Variants in POMGNT1 observed in about 807,000 individuals in gnomAD.
The protein encoded by POMGNT1 is protein O-linked mannose N-acetylglucosaminyltransferase 1 (beta 1,2-).
Under a neutral mutation model 95.6 loss-of-function variants are expected in POMGNT1, and 67 were observed. The observed-to-expected ratio is 0.70, with a 90% CI of 0.58 to 0.86. The LOEUF is 0.86. POMGNT1 is among the 40% of genes least tolerant of loss of function. POMGNT1 has a pLI of 0.00. For synonymous variants in POMGNT1, 298 were observed against 317.9 expected (o/e 0.94, Z 0.66); for missense variants, 719 against 855.2 (o/e 0.84, Z 1.99).
At chr1:46,212,954 C>T (rs1349275044) in intron 1 of POMGNT1, among the ~76,000 whole-genome samples, 2 of 151,724 alleles carry the variant, frequency 1.3e-5, no homozygotes, top group African/African-American at 4.8e-5. Flanking sequence ...TTAGTAGAGA[C>T]GGGGTTTCAC....
At chr1:46,206,501 G>A (rs1206419225) in intron 1 of POMGNT1, among the ~76,000 whole-genome samples, 5 of 152,130 alleles carry the variant, frequency 3.3e-5, no homozygotes, top group Non-Finnish European at 5.9e-5. Flanking sequence ...AATCTCCTTG[G>A]AAGGAGAATT....
Position 46,189,881 on chromosome 1 carries a change from G to C in POMGNT1, c.1758C>G (p.Asp586Glu). Residue 586 changes from aspartate to glutamate, a missense_variant, in exon 20 of 22, where the codon GAC (aspartate) becomes GAG (glutamate). By Grantham distance (45) the Asp-to-Glu change is conservative (BLOSUM62 2). Coordinates refer to ENST00000371984, the MANE Select transcript of POMGNT1 (RefSeq NM_017739.4). ...TGGCAAGCTGGGTCCAGGTGGTGAAGTCATCATCTTTCTCCATTCGAATAA... is the reference window on the plus strand; with the variant it reads ...TGGCAAGCTGGGTCCAGGTGGTGAACTCATCATCTTTCTCCATTCGAATAA... ...VAFIRMEKDD[D>E]FTTWTQLAKC... 6.2e-7 allele frequency: 1 copy of C among 1,613,964 alleles called. No homozygotes were observed. The highest frequency in any genetic ancestry group is 1.7e-5 in the Admixed American group (1 of 60,022).
intron 20 of POMGNT1, 94 bp from the exon 21 acceptor site, chr1:46,189,661 GA>G: frequency 2.6e-6 from 4 of 1,553,960 alleles, no homozygotes; most frequent in Non-Finnish European, 3.5e-6. Context: ...CCCCTCCTCA[GA>G]AACCACCTCA....
intron 1 of POMGNT1, chr1:46,219,633 C>T: frequency 6.7e-7 from 1 of 1,488,434 alleles, no homozygotes; most frequent in Non-Finnish European, 9.0e-7. Context: ...AAGGTAGTGG[C>T]CTGTGGAAAC....
chr1:46,216,954 T>G (rs1478129102), intron 1 of POMGNT1, among the ~76,000 whole-genome samples: 1 of 152,220 alleles, frequency 6.6e-6, no homozygotes, highest in African/African-American at 2.4e-5. Context: ...TACATGTTGC[T>G]GCAAAGGACA....
chr1:46,217,131 G>A (rs1240500924), intron 1 of POMGNT1, among the ~76,000 whole-genome samples: 1 of 152,142 alleles, frequency 6.6e-6, no homozygotes, highest in South Asian at 2.1e-4. Flanking sequence ...AAGAAACGAG[G>A]GATCCAGCTA....
upstream of POMGNT1, among the ~76,000 whole-genome samples, chr1:46,202,923 GT>G (rs1474320530): frequency 1.1e-3 from 98 of 89,182 alleles, no homozygotes; most frequent in African/African-American, 1.8e-3. Flanking sequence ...GGGGGGTGGT[GT>G]GTGTGTGTGT....
chr1:46,215,893 C>T (rs953434295), intron 1 of POMGNT1, among the ~76,000 whole-genome samples: 6 of 152,114 alleles, frequency 3.9e-5, no homozygotes, highest in African/African-American at 1.4e-4. Flanking sequence ...GAGTAAGACC[C>T]TGTCTCAAAA....
At chr1:46,190,435 T>C in intron 19 of POMGNT1, 38 bp downstream of exon 19, 1 of 1,546,402 alleles carries the variant, frequency 6.5e-7, no homozygotes, top group South Asian at 1.1e-5. Flanking sequence ...TATTTGACTC[T>C]TTGCTCCCTG....
rs756026992 is a variant in POMGNT1, at chr1:46,192,572, G to C, written c.1230C>G (p.Ile410Met). ...GGCTGTCATCCTCCTCCAGTAGGTG[G>C]ATGGATTGGCTCAGGAAACTGAGAG... ...VDFFSFLSQSIHLLEEDDSLY... is the reference protein window; with the variant it reads ...VDFFSFLSQSMHLLEEDDSLY... Residue 410 changes from isoleucine (I) to methionine (M), a missense_variant, in exon 15 of 22, where the codon ATC becomes ATG. Ile to Met is a conservative substitution (Grantham distance 10, BLOSUM62 1). Coordinates refer to ENST00000371984, the MANE Select transcript of POMGNT1 (RefSeq NM_017739.4). 3.1e-6 allele frequency: 5 copies of C among 1,614,020 alleles called. No homozygotes were observed. In the African/African-American group the frequency reaches 5.3e-5, roughly 17 times the overall value.
upstream of POMGNT1, among the ~76,000 whole-genome samples, chr1:46,199,986 G>A (rs1235223537): frequency 7.9e-5 from 12 of 152,040 alleles, no homozygotes; most frequent in East Asian, 5.8e-4. Context: ...CCTGCCCAAC[G>A]CGGTGAAACC....
Position 46,189,484 on chromosome 1 carries a change from C to G in POMGNT1, c.1869G>C (p.Met623Ile), listed in dbSNP as rs560257803. The G allele has an allele frequency of 1.2e-6, 2 of 1,613,194 alleles. No homozygotes were observed. The highest frequency in any genetic ancestry group is 2.2e-5 in the East Asian group (1 of 44,878). ...RLFRKKNHFL[M>I]VGVPASPYSV... ...AGTAGGGGGAAGCCGGGACCCCCAC[C>G]ATCAGGAAGTGGTTCTTCTTCCGAA... is the stretch of plus-strand genomic sequence containing the variant. Residue 623 changes from methionine to isoleucine, a missense_variant, in exon 21 of 22, where the codon ATG becomes ATC. By Grantham distance (10) the Met-to-Ile change is conservative. This residue lies in a region of POMGNT1 where 130 missense variants were observed against 149.2 expected (regional missense o/e 0.87). Coordinates refer to ENST00000371984, the MANE Select transcript of POMGNT1 (RefSeq NM_017739.4).
intron 1 of POMGNT1, among the ~76,000 whole-genome samples, chr1:46,218,085 T>G (rs1314008498): frequency 6.6e-6 from 1 of 152,206 alleles, no homozygotes; most frequent in Non-Finnish European, 1.5e-5. Flanking sequence ...CTCTTTAATC[T>G]CTGTGCATCT....
chr1:46,192,364 G>A lies in POMGNT1; in HGVS notation c.1357C>T (p.Leu453Phe). Reference protein sequence around the residue: ...VETMPGLGWVLRRSLYKEELE... With the variant: ...VETMPGLGWVFRRSLYKEELE... ...TCCTCCTTGTACAAGGACCTCCTGA[G>A]CACCCAGCCCAGCCCAGGCATGGTC... The change falls in exon 16 of 22, where the codon CTC becomes TTC. Residue 453 changes from leucine (L) to phenylalanine (F), a missense_variant. This residue lies in a region of POMGNT1 where 118 missense variants were observed against 153.6 expected (regional missense o/e 0.77). Coordinates refer to ENST00000371984, the MANE Select transcript of POMGNT1 (RefSeq NM_017739.4). 6.2e-7 allele frequency: 1 copy of A among 1,614,156 alleles called. No individual in the cohort carries two copies. The highest frequency in any genetic ancestry group is 1.1e-5 in the South Asian group (1 of 91,080).
intron 1 of POMGNT1, among the ~76,000 whole-genome samples, chr1:46,211,592 A>C (rs1658898131): frequency 6.6e-6 from 1 of 152,158 alleles, no homozygotes; most frequent in African/African-American, 2.4e-5. Flanking sequence ...TATGCATGTT[A>C]ATATGTTCCT....
At chr1:46,197,330 T>C in intron 2 of POMGNT1, 1 of 1,482,710 alleles carries the variant, frequency 6.7e-7, no homozygotes, top group South Asian at 1.2e-5. Flanking sequence ...TATTCTTCTA[T>C]TTGAGACCTT....
At position 46,196,824 on chromosome 1, in the gene POMGNT1, G is replaced by A. The variant is rs1658279896; in HGVS notation, c.261C>T (p.Pro87=). Residue 87 remains proline (P), a synonymous_variant, in exon 4 of 22, where the codon CCC becomes CCT. Coordinates refer to ENST00000371984, the MANE Select transcript of POMGNT1 (RefSeq NM_017739.4). This position sits in a 1 kb window ranked among gnomAD's most constrained non-coding sequence, Gnocchi z 4.4. The part of the protein sequence containing the change: ...DYDEALGRLE[P]PRRRGSGPRR... The stretch of plus-strand genomic sequence containing the variant: ...GGGGACCACTGCCTCTGCGCCGTGG[G>A]GGCTCCAGGCGGCCTAGGGCCTCAT... 1 of 1,614,188 alleles carries A rather than the reference G, an allele frequency of 6.2e-7. No individual in the cohort carries two copies. The highest frequency in any genetic ancestry group is 1.3e-5 in the African/African-American group (1 of 75,060).
Position 46,194,409 on chromosome 1 carries a change from A to C in POMGNT1, c.752-8T>G, listed in dbSNP as rs750368262. The C allele has an allele frequency of 3.1e-6, 5 of 1,614,146 alleles. No individual in the cohort carries two copies. Among genetic ancestry groups the C allele is most frequent in the Non-Finnish European group, 4.2e-6 (5 of 1,180,020 alleles). The stretch of plus-strand genomic sequence containing the variant: ...CCCAGTGGCACTCTGCCTCTGAGGG[A>C]AGGATGCGGTTGTCATGGAGGCATG... On this transcript the variant is annotated splice_polypyrimidine_tract_variant and splice_region_variant and intron_variant, in intron 8 of 21. Transcript: ENST00000371984.
At chr1:46,203,682 C>T (rs775802245) in intron 1 of POMGNT1, 28 of 1,506,352 alleles carry the variant, frequency 1.9e-5, no homozygotes, top group Non-Finnish European at 2.4e-5. Context: ...CCGGGAGGGA[C>T]GAACTCATGC....
Sources: allele counts gnomAD v4.1 joint callset (sites outside exome capture counted in the v4.1 genomes callset), GRCh38; gene constraint gnomAD v4.1.1; regional missense constraint gnomAD v4.1.1; non-coding constraint Gnocchi (gnomAD v3.1); transcripts MANE v1.5; gene names NCBI Gene and HGNC (gene_info 2026-07-23, HGNC 2026-07-21).